BNIP2: variants seen among roughly 807,000 people sequenced by gnomAD.
BNIP2 encodes BCL2 interacting protein 2.
Under a neutral mutation model 43.4 loss-of-function variants are expected in BNIP2, and 36 were observed. The ratio of observed to expected loss-of-function variants is 0.83; its 90% confidence interval spans 0.64 to 1.10. BNIP2 has a LOEUF of 1.10. Among genes scored for constraint, BNIP2 ranks in the 50% least tolerant of loss-of-function variants. BNIP2 has a pLI of 0.00. For synonymous variants in BNIP2, 146 were observed against 121.0 expected, an observed-to-expected ratio of 1.21 and a Z score of -1.35; for missense variants, 417 against 374.1, an observed-to-expected ratio of 1.11 and a Z score of -0.95.
At chr15:59,665,824 G>C (rs1243394792) in intron 9 of BNIP2, among the ~76,000 whole-genome samples, 1 of 152,104 alleles carries the variant, frequency 6.6e-6, no homozygotes, top group African/African-American at 2.4e-5. Context: ...TCCGGTATTA[G>C]ATAAAGAAAA....
rs1376848879 is a variant in BNIP2 at position 59,678,039 on chromosome 15, A to T, written c.344T>A (p.Ile115Asn). ...TTCCTCTGCTGCTGTGTATTCAGTA[A>T]TTGAGCCTTTCCTAATTACTTCAGT... ...KTTEVIRKGS[I>N]TEYTAAEEKE... Residue 115 changes from isoleucine to asparagine, a missense_variant, in exon 5 of 10, where the codon ATT becomes AAT. Physicochemically the swap from Ile to Asn is moderately radical, Grantham distance 149. Coordinates refer to ENST00000607373, the MANE Select transcript of BNIP2 (RefSeq NM_004330.4). The T allele has an allele frequency of 3.1e-6, 5 of 1,613,702 alleles. No individual in the cohort carries two copies. The highest frequency in any genetic ancestry group is 4.2e-6 in the Non-Finnish European group (5 of 1,179,846).
At chr15:59,688,888 A>T in intron 1 of BNIP2, 2 of 1,350,080 alleles carry the variant, frequency 1.5e-6, no homozygotes, top group South Asian at 2.8e-5. Context: ...GAAACGGAAA[A>T]GCGACGGGGT....
chr15:59,676,881 C>A (rs1378423995), intron 5 of BNIP2: 6 of 1,594,734 alleles, frequency 3.8e-6, no homozygotes, highest in Non-Finnish European at 5.1e-6. Context: ...CGTTCGCTCA[C>A]CGCTGTCACC....
chr15:59,661,240 G>C lies in BNIP2; in HGVS notation c.*2829C>G, dbSNP rs903883032. On this transcript the variant is annotated 3_prime_UTR_variant, in exon 10 of 10. Coordinates refer to ENST00000607373, the MANE Select transcript of BNIP2 (RefSeq NM_004330.4). ...AGCTACTCAGGAGGCTGAGGCAGGA[G>C]AAATGCTTGAACCCGGGAGGCAGAG... The C allele has an allele frequency of 7.0e-6, 1 of 143,664 alleles. No homozygotes were observed. Among genetic ancestry groups the C allele is most frequent in the African/African-American group, 2.6e-5 (1 of 38,442 alleles). The allele number at this position is 143,664 out of a possible 1,614,324, so 8.9% of individuals were successfully genotyped here. A position where few individuals can be genotyped will look rare whatever the true frequency, so the allele number is the denominator to read the frequency against.
chr15:59,669,083 T>G, intron 8 of BNIP2, 93 bp from the exon 9 acceptor site: 1 of 1,227,194 alleles, frequency 8.1e-7, no homozygotes, highest in Non-Finnish European at 1.2e-6. Flanking sequence ...TCATTTTGAA[T>G]GTTCAAAACA....
chr15:59,659,259 G>C lies in BNIP2; in HGVS notation c.*4810C>G, dbSNP rs1374290265. On this transcript the variant is annotated 3_prime_UTR_variant, in exon 10 of 10. Transcript: ENST00000607373. ...TCAAAGAAAATATTACATCTCCTTA[G>C]TAAATCATGACCAACTCTGGTATTT... 3.9e-5 allele frequency: 6 copies of C among 152,160 alleles called. No individual in the cohort carries two copies. Among genetic ancestry groups the C allele is most frequent in the Non-Finnish European group, 8.8e-5 (6 of 68,036 alleles). 9.4% of individuals were successfully genotyped at this position (152,160 alleles called of 1,614,324 possible). A position where few individuals can be genotyped will look rare whatever the true frequency, so the allele number is the denominator to read the frequency against.
intron 1 of BNIP2, among the ~76,000 whole-genome samples, chr15:59,687,437 C>T (rs1894095524): frequency 2.6e-5 from 4 of 151,618 alleles, no homozygotes; most frequent in African/African-American, 9.7e-5. Context: ...CTACAACCTC[C>T]ACCTCCCAGG....
intron 5 of BNIP2, among the ~76,000 whole-genome samples, chr15:59,673,335 C>T (rs1353039609): frequency 6.6e-6 from 1 of 151,676 alleles, no homozygotes; most frequent in Non-Finnish European, 1.5e-5. Context: ...AGACTGGTCT[C>T]GAACTCCTGA....
rs1892403915 is a variant in BNIP2, at chr15:59,663,821, CTATT to C, written c.*244_*247del. The C allele has an allele frequency of 1.2e-5, 4 of 322,794 alleles. No individual in the cohort carries two copies. Among genetic ancestry groups the C allele is most frequent in the East Asian group, 4.9e-5 (1 of 20,528 alleles). 20.0% of individuals were successfully genotyped at this position (322,794 alleles called of 1,614,324 possible). A position where few individuals can be genotyped will look rare whatever the true frequency, so the allele number is the denominator to read the frequency against. On this transcript the variant is annotated 3_prime_UTR_variant, in exon 10 of 10. Coordinates refer to ENST00000607373, the MANE Select transcript of BNIP2 (RefSeq NM_004330.4). ...ACTACTTTATATAAAGTGTGGTTCT[CTATT>C]TAGCAATATAAAATATAAAACGATA...
intron 1 of BNIP2, chr15:59,688,588 G>A (rs556444548): frequency 6.6e-5 from 65 of 982,374 alleles, no homozygotes; most frequent in Non-Finnish European, 9.2e-5. Flanking sequence ...TATTTAAACA[G>A]AAAGGGTTGT....
chr15:59,676,946 A>G, intron 5 of BNIP2: 1 of 1,612,278 alleles, frequency 6.2e-7, no homozygotes, highest in East Asian at 2.2e-5. Context: ...GAACAGCATG[A>G]TCCTCTCTGC....
chr15:59,683,059 A>G (rs1893793273), intron 1 of BNIP2, among the ~76,000 whole-genome samples: 1 of 152,242 alleles, frequency 6.6e-6, no homozygotes, highest in Non-Finnish European at 1.5e-5. Flanking sequence ...TGTCCCGTAA[A>G]TGAATTATGC....
At chr15:59,679,414 G>A (rs540561799) in intron 4 of BNIP2, 178 bp downstream of exon 4, 20 of 536,576 alleles carry the variant, frequency 3.7e-5, no homozygotes, top group Non-Finnish European at 4.8e-5. Flanking sequence ...CAAATAAGAG[G>A]GGAAAAAAGC....
In BNIP2 at chr15:59,664,090, A is replaced by G; in HGVS notation, c.924T>C (p.Asp308=). ...QVDQELNGKQ[D]EPKNEQ ...AAACTTACTGTTCATTTTTCGGTTC[A>G]TCTTGTTTTCCATTAAGTTCTTGAT... Residue 308 remains aspartate (D), a synonymous_variant, in exon 10 of 10, where the codon GAT becomes GAC. Coordinates refer to ENST00000607373, the MANE Select transcript of BNIP2 (RefSeq NM_004330.4). 1 of 1,550,034 alleles carries G rather than the reference A, an allele frequency of 6.5e-7. No homozygotes were observed. Among genetic ancestry groups the G allele is most frequent in the African/African-American group, 1.4e-5 (1 of 73,248 alleles).
At chr15:59,670,836 G>C (rs1892852852) in intron 7 of BNIP2, among the ~76,000 whole-genome samples, 1 of 152,218 alleles carries the variant, frequency 6.6e-6, no homozygotes, top group African/African-American at 2.4e-5. Context: ...CACTTCAGGA[G>C]GCCGAGGCGG....
intron 5 of BNIP2, among the ~76,000 whole-genome samples, chr15:59,674,101 C>A (rs2414641): frequency 0.98 from 136,584 of 139,948 alleles, 66,641 homozygotes; most frequent in East Asian, 1. Flanking sequence ...AAAAAAAAAA[C>A]AAAAACAAAA....
intron 5 of BNIP2, chr15:59,676,749 G>T: frequency 7.2e-7 from 1 of 1,395,176 alleles, no homozygotes. Flanking sequence ...CGGCAGAGTT[G>T]GGGTGTCATG....
chr15:59,672,581 G>C, intron 6 of BNIP2, 56 bp downstream of exon 6: 1 of 1,303,866 alleles, frequency 7.7e-7, no homozygotes, highest in Non-Finnish European at 1.1e-6. Flanking sequence ...TTCTTAAGGT[G>C]TAGATCTAAT....
At chr15:59,676,660 A>C in intron 5 of BNIP2, 3 of 595,884 alleles carry the variant, frequency 5.0e-6, no homozygotes, top group South Asian at 4.2e-5. Context: ...AGAGTTTCTA[A>C]AAGTATTTAG....
Sources: allele counts gnomAD v4.1 joint callset (sites outside exome capture counted in the v4.1 genomes callset), GRCh38; gene constraint gnomAD v4.1.1; transcripts MANE v1.5; gene names NCBI Gene and HGNC (gene_info 2026-07-23, HGNC 2026-07-21).